The following CDKAL1 variants were observed in gnomAD, a reference collection of about 807,000 sequenced individuals.
CDKAL1 encodes the protein threonylcarbamoyladenosine tRNA methylthiotransferase.
CDKAL1 carries 32 observed loss-of-function variants against 68.2 expected under a neutral mutation model. The observed-to-expected ratio is 0.47, with a 90% CI of 0.35 to 0.63. CDKAL1 has a LOEUF of 0.63. Ranked by LOEUF, CDKAL1 falls within the 30% of genes least tolerant of loss-of-function variation. The pLI is 0.00. For missense variants in CDKAL1, 606 were observed against 696.7 expected, an observed-to-expected ratio of 0.87 and a Z score of 1.47; for synonymous variants, 234 against 244.3, an observed-to-expected ratio of 0.96 and a Z score of 0.39.
rs112819149 is a variant in CDKAL1, at chr6:20,684,831, G to A, written c.371+35454G>A. ...GCATGTCTTCTTTGGAGAGGTGTCT[G>A]TCAAGGGCTTTACCCCATTTTTTAA... On this transcript the variant is annotated intron_variant, in intron 5 of 15. Transcript: ENST00000274695. 3.0e-3 allele frequency among the ~76,000 whole-genome samples: 464 copies of A among 152,312 alleles called. 6 individuals carry two copies. The highest frequency in any genetic ancestry group is 0.01 in the African/African-American group (435 of 41,566).
At chr6:21,038,463 A>T (rs753831298) in intron 11 of CDKAL1, among the ~76,000 whole-genome samples, 1 of 152,214 alleles carries the variant, frequency 6.6e-6, no homozygotes, top group Non-Finnish European at 1.5e-5. Context: ...AACCTAGAAG[A>T]TATTTAGCAT....
intron 7 of CDKAL1, among the ~76,000 whole-genome samples, chr6:20,775,450 A>G (rs1775132855): frequency 6.6e-6 from 1 of 152,236 alleles, no homozygotes. Flanking sequence ...TCAGTGGCTA[A>G]CGAGAAAGGA....
At chr6:21,085,638 A>C (rs1050155551) in intron 12 of CDKAL1, among the ~76,000 whole-genome samples, 1 of 152,206 alleles carries the variant, frequency 6.6e-6, no homozygotes, top group Non-Finnish European at 1.5e-5. Flanking sequence ...TACAGTTGTA[A>C]AATCCAGGGT....
intron 4 of CDKAL1, among the ~76,000 whole-genome samples, chr6:20,625,783 T>A (rs1245550938): frequency 3.9e-5 from 6 of 152,110 alleles, no homozygotes; most frequent in African/African-American, 1.4e-4. Flanking sequence ...TTATAGATTA[T>A]CATCTTAGAA....
intron 4 of CDKAL1, among the ~76,000 whole-genome samples, chr6:20,609,291 T>C (rs546528071): frequency 1.7e-4 from 25 of 142,932 alleles, no homozygotes; most frequent in African/African-American, 5.8e-4. Context: ...TTCTCCTTCT[T>C]CTCCTTCTCC....
intron 2 of CDKAL1, among the ~76,000 whole-genome samples, chr6:20,545,945 G>T (rs1763584098): frequency 6.6e-6 from 1 of 152,092 alleles, no homozygotes; most frequent in African/African-American, 2.4e-5. Flanking sequence ...GATTTCCCTA[G>T]TTATACCCAA....
intron 13 of CDKAL1, among the ~76,000 whole-genome samples, chr6:21,146,751 T>A (rs1398605447): frequency 6.8e-6 from 1 of 147,950 alleles, no homozygotes; most frequent in Non-Finnish European, 1.5e-5. Flanking sequence ...CTTGGGAGGC[T>A]GAGGCAGGAG....
chr6:21,018,983 T>A (rs1000065157), intron 11 of CDKAL1, among the ~76,000 whole-genome samples: 1 of 152,172 alleles, frequency 6.6e-6, no homozygotes, highest in Non-Finnish European at 1.5e-5. Flanking sequence ...AGAGTCTCGC[T>A]CTGTCACCCA....
intron 12 of CDKAL1, among the ~76,000 whole-genome samples, chr6:21,083,921 C>T (rs1049579732): frequency 2.0e-5 from 3 of 152,134 alleles, no homozygotes; most frequent in African/African-American, 4.8e-5. Context: ...ATGTCATATC[C>T]TTCTCAGAAG....
intron 4 of CDKAL1, among the ~76,000 whole-genome samples, chr6:20,614,515 T>A (rs1217813883): frequency 6.6e-6 from 1 of 152,186 alleles, no homozygotes; most frequent in Non-Finnish European, 1.5e-5. Context: ...ACTTACTAAA[T>A]GTATTTGTAT....
chr6:20,805,298 G>A (rs184565183), intron 8 of CDKAL1, among the ~76,000 whole-genome samples: 19 of 152,284 alleles, frequency 1.2e-4, no homozygotes, highest in East Asian at 5.8e-4. Flanking sequence ...ATGAGTCACC[G>A]AATATGTGTG....
At chr6:20,748,554 GGAAAA>G (rs1773763753) in intron 6 of CDKAL1, among the ~76,000 whole-genome samples, 19 of 77,088 alleles carry the variant, frequency 2.5e-4, no homozygotes, top group African/African-American at 3.8e-4. Context: ...CTCTGTTTCT[GGAAAA>G]AAAAAAAAAA....
At chr6:20,557,685 G>A (rs1764111359) in intron 4 of CDKAL1, among the ~76,000 whole-genome samples, 1 of 152,184 alleles carries the variant, frequency 6.6e-6, no homozygotes, top group Admixed American at 6.5e-5. Context: ...CCAGCACTTT[G>A]GGAGGCTGAG....
At chr6:20,611,280 A>G (rs1766606406) in intron 4 of CDKAL1, among the ~76,000 whole-genome samples, 1 of 152,052 alleles carries the variant, frequency 6.6e-6, no homozygotes, top group South Asian at 2.1e-4. Context: ...GTTTGTCCTT[A>G]ATTTCCATAC....
intron 7 of CDKAL1, among the ~76,000 whole-genome samples, chr6:20,780,099 TA>T (rs745598145): frequency 0.025 from 2,193 of 89,172 alleles, 37 homozygotes; most frequent in African/African-American, 0.074. Flanking sequence ...AACCTAACCT[TA>T]AAAAAAAAAA....
intron 10 of CDKAL1, among the ~76,000 whole-genome samples, chr6:20,992,222 TTATATGTATATAA>T (rs1766867514): frequency 6.9e-6 from 1 of 145,024 alleles, no homozygotes; most frequent in African/African-American, 2.8e-5. Flanking sequence ...GTATTTTGTA[TTATATGTATATAA>T]GTATTTTGTA....
At chr6:20,922,072 C>T (rs868575383) in intron 9 of CDKAL1, among the ~76,000 whole-genome samples, 1 of 152,084 alleles carries the variant, frequency 6.6e-6, no homozygotes, top group Non-Finnish European at 1.5e-5. Flanking sequence ...GTGGGATACG[C>T]GAACAAAATT....
intron 4 of CDKAL1, among the ~76,000 whole-genome samples, chr6:20,648,250 C>T (rs1367109126): frequency 9.3e-5 from 14 of 151,202 alleles, no homozygotes; most frequent in Admixed American, 8.6e-4. Flanking sequence ...GCCTCAGCCT[C>T]CTGAATAGCT....
At chr6:20,693,519 C>A (rs1770966794) in intron 5 of CDKAL1, among the ~76,000 whole-genome samples, 1 of 152,144 alleles carries the variant, frequency 6.6e-6, no homozygotes, top group African/African-American at 2.4e-5. Flanking sequence ...CAAAACAGGG[C>A]AAATGACAGA....
Sources: gnomAD v4.1 joint callset for allele counts (sites outside exome capture counted in the v4.1 genomes callset) on GRCh38, gnomAD v4.1.1 for gene constraint, MANE v1.5 for transcripts, NCBI Gene and HGNC (gene_info 2026-07-23, HGNC 2026-07-21) for gene names.